Variants in FBN2 observed in about 807,000 individuals in gnomAD.
FBN2 encodes fibrillin 2, also known as fibrillin-2.
A neutral mutation model predicts 355.6 loss-of-function variants in FBN2; 105 were observed. The ratio of observed to expected loss-of-function variants is 0.30; its 90% CI spans 0.25 to 0.35. FBN2 has a LOEUF of 0.35. Among genes scored for constraint, FBN2 ranks in the 10% least tolerant of loss-of-function variants. The probability of loss-of-function intolerance (pLI) is 1.00; values close to 1 mark genes in which losing one functional copy is unlikely to be tolerated. For missense variants in FBN2, 3,280 were observed against 3,758.7 expected (o/e 0.87, Z 3.33); for synonymous variants, 1,350 against 1,301.2 (o/e 1.04, Z -0.81).
At chr5:128,486,729 C>T (rs565026816) in intron 5 of FBN2, among the ~76,000 whole-genome samples, 4 of 152,146 alleles carry the variant, frequency 2.6e-5, no homozygotes, top group East Asian at 1.9e-4. Context: ...CCCATTAACT[C>T]GCCGTTTACA....
chr5:128,452,993 A>T (rs373478644), intron 6 of FBN2, among the ~76,000 whole-genome samples: 1 of 152,188 alleles, frequency 6.6e-6, no homozygotes, highest in African/African-American at 2.4e-5. Flanking sequence ...TATTCCTATG[A>T]AAACAAATGT....
intron 34 of FBN2, among the ~76,000 whole-genome samples, chr5:128,319,844 A>G (rs1320882921): frequency 2.6e-5 from 4 of 152,176 alleles, no homozygotes; most frequent in African/African-American, 9.6e-5. Context: ...CTGAATTTCT[A>G]CTCTCAAAAA....
chr5:128,528,719 G>A (rs1314414873), intron 3 of FBN2, among the ~76,000 whole-genome samples: 2 of 152,168 alleles, frequency 1.3e-5, no homozygotes, highest in East Asian at 1.9e-4. Context: ...GGCCACCGAA[G>A]GGTTTTCATT....
intron 34 of FBN2, among the ~76,000 whole-genome samples, chr5:128,324,149 C>T (rs1402555994): frequency 6.6e-6 from 1 of 152,128 alleles, no homozygotes; most frequent in Non-Finnish European, 1.5e-5. Context: ...CCCCCTTTAT[C>T]ATTTTTTATT....
Position 128,430,670 on chromosome 5 carries a change from C to T in FBN2, c.952+15811G>A, listed in dbSNP as rs530668886. ...ACCAGCCTGACCAACATGGTGAAAC[C>T]CTGTCTCTACTAAAAATACAAAAAT... On this transcript the variant is annotated intron_variant, in intron 7 of 64. Coordinates refer to ENST00000262464, the MANE Select transcript of FBN2 (RefSeq NM_001999.4). Among the ~76,000 whole-genome samples the T allele has an allele frequency of 3.3e-5, 5 of 152,020 alleles. No individual in the cohort carries two copies. In the South Asian group the frequency reaches 1.0e-3, roughly 32 times the overall value.
At chr5:128,347,941 G>A (rs1384219794) in intron 23 of FBN2, among the ~76,000 whole-genome samples, 2 of 151,550 alleles carry the variant, frequency 1.3e-5, no homozygotes, top group Non-Finnish European at 1.5e-5. Flanking sequence ...ACCATGCCCA[G>A]CTAATTTTTA....
chr5:128,339,340 G>T, intron 25 of FBN2: 1 of 395,964 alleles, frequency 2.5e-6, no homozygotes, highest in Non-Finnish European at 4.8e-6. Flanking sequence ...CAGAAAAGGG[G>T]GGCATGGTGA....
intron 5 of FBN2, among the ~76,000 whole-genome samples, chr5:128,488,210 T>A (rs942247332): frequency 1.3e-5 from 2 of 151,458 alleles, no homozygotes; most frequent in Non-Finnish European, 2.9e-5. Context: ...ATTACAAAAA[T>A]GAATTTTAAG....
chr5:128,294,550 T>C (rs541945754), intron 48 of FBN2, among the ~76,000 whole-genome samples: 6,957 of 150,012 alleles, frequency 0.046, 551 homozygotes, highest in African/African-American at 0.16. Flanking sequence ...TGAGATGGTA[T>C]CTCATTGTGG....
At chr5:128,442,492 T>A (rs1160663870) in intron 7 of FBN2, 6 of 330,116 alleles carry the variant, frequency 1.8e-5, no homozygotes, top group Non-Finnish European at 3.6e-5. Flanking sequence ...ATTAAATGGA[T>A]ATTTAAATTA....
At chr5:128,347,720 A>G (rs1237780007) in intron 23 of FBN2, among the ~76,000 whole-genome samples, 1 of 152,198 alleles carries the variant, frequency 6.6e-6, no homozygotes, top group East Asian at 1.9e-4. Context: ...AGTGGTGACA[A>G]AAGCATTTAA....
At chr5:128,282,144 C>T (rs867016012) in intron 55 of FBN2, among the ~76,000 whole-genome samples, 3 of 151,950 alleles carry the variant, frequency 2.0e-5, no homozygotes, top group Admixed American at 6.5e-5. Context: ...ATTTTTTAAA[C>T]CAGTGTTACT....
At chr5:128,450,288 T>A (rs897498123) in intron 6 of FBN2, among the ~76,000 whole-genome samples, 1 of 152,082 alleles carries the variant, frequency 6.6e-6, no homozygotes, top group South Asian at 2.1e-4. Flanking sequence ...TCTGAGGCCA[T>A]GTAAAAGGTT....
In FBN2 at chr5:128,310,037, T is replaced by C. The variant is rs1331678007; in HGVS notation, c.5146A>G (p.Thr1716Ala). The C allele has an allele frequency of 1.2e-6, 2 of 1,613,862 alleles. No individual in the cohort carries two copies. Among genetic ancestry groups the C allele is most frequent in the East Asian group, 2.2e-5 (1 of 44,866 alleles). ...GTCYNTLGNY[T>A]CICPPEYMQV... ...ATGTACTCAGGTGGGCAAATGCAGG[T>C]GTAATTTCCCAGGGTGTTATAGCAG... Residue 1716 changes from threonine to alanine, a missense_variant, in exon 40 of 65, where the codon ACC becomes GCC. Around this residue, in one of 6 missense-constraint regions of FBN2, gnomAD observed 2,284 missense variants for 2,749.5 expected, o/e 0.83. Coordinates refer to ENST00000262464, the MANE Select transcript of FBN2 (RefSeq NM_001999.4).
chr5:128,340,806 T>C (rs1750994029), intron 25 of FBN2, among the ~76,000 whole-genome samples: 1 of 151,208 alleles, frequency 6.6e-6, no homozygotes, highest in Non-Finnish European at 1.5e-5. Context: ...GCTCTCTCTT[T>C]CTCTCTCTCT....
intron 16 of FBN2, 96 bp downstream of exon 16, chr5:128,369,086 G>T: frequency 8.1e-7 from 1 of 1,231,022 alleles, no homozygotes; most frequent in Non-Finnish European, 1.2e-6. Context: ...TAAAATTAAT[G>T]ATGAAACACT....
chr5:128,484,100 G>A (rs1028481742), intron 5 of FBN2, among the ~76,000 whole-genome samples: 5 of 152,138 alleles, frequency 3.3e-5, no homozygotes, highest in Non-Finnish European at 5.9e-5. Context: ...TTTTCTAACA[G>A]ATTTTCATAG....
At chr5:128,500,506 G>A (rs966615924) in intron 5 of FBN2, among the ~76,000 whole-genome samples, 25 of 133,900 alleles carry the variant, frequency 1.9e-4, no homozygotes, top group South Asian at 9.5e-4. Context: ...GCTGTGGCGC[G>A]ATCTCGGCCC....
chr5:128,353,864 G>A (rs1561785806), intron 20 of FBN2, among the ~76,000 whole-genome samples: 1 of 152,156 alleles, frequency 6.6e-6, no homozygotes, highest in Non-Finnish European at 1.5e-5. Context: ...CCCTCACTCT[G>A]TAGCACTGTG....
Sources: gnomAD v4.1 joint callset for allele counts (sites outside exome capture counted in the v4.1 genomes callset) on GRCh38, gnomAD v4.1.1 for gene constraint, gnomAD v4.1.1 regional missense constraint, MANE v1.5 for transcripts, NCBI Gene and HGNC (gene_info 2026-07-23, HGNC 2026-07-21) for gene names.